The following CUX2 variants were observed in gnomAD, a reference collection of about 807,000 sequenced individuals.
CUX2 encodes the protein cut like homeobox 2, also known as homeobox protein cut-like 2.
Under a neutral mutation model 144.8 loss-of-function variants are expected in CUX2, and 40 were observed. The observed-to-expected ratio is 0.28, with a 90% CI of 0.21 to 0.36. The LOEUF (loss-of-function observed/expected upper bound fraction) is 0.36. Ranked by LOEUF, CUX2 falls within the 10% of genes least tolerant of loss-of-function variation. The pLI is 1.00. For synonymous variants in CUX2, 827 were observed against 875.6 expected (o/e 0.94, Z 0.98); for missense variants, 1,615 against 1,994.0 (o/e 0.81, Z 3.62).
intron 1 of CUX2, among the ~76,000 whole-genome samples, chr12:111,087,629 A>C (rs1043883976): frequency 6.6e-6 from 1 of 152,144 alleles, no homozygotes; most frequent in Non-Finnish European, 1.5e-5. Context: ...ACTTAGCCAT[A>C]AGTTGTTTGT....
rs1325759051 is a variant in CUX2, at chr12:111,034,885, G to A, written c.63+645G>A. 6.7e-6 allele frequency among the ~76,000 whole-genome samples: 1 copy of A among 150,138 alleles called. No individual in the cohort carries two copies. Among genetic ancestry groups the A allele is most frequent in the Non-Finnish European group, 1.5e-5 (1 of 67,404 alleles). On this transcript the variant is annotated intron_variant, in intron 1 of 21. Transcript: ENST00000261726. This position sits in a 1 kb window ranked among gnomAD's most constrained non-coding sequence, Gnocchi z 4.2. ...GGCCGCCGCCGCCGCCGCCAGAGCC[G>A]CCGCCGCCGGACTGGCCGCAAGCGC...
chr12:111,341,654 A>G (rs1888582449), intron 20 of CUX2, 126 bp from the exon 21 acceptor site: 1 of 1,151,862 alleles, frequency 8.7e-7, no homozygotes, highest in African/African-American at 1.5e-5. Flanking sequence ...GCGGGCCTCT[A>G]AGCTTAGGGC....
At chr12:111,176,888 G>A (rs915096521) in intron 1 of CUX2, among the ~76,000 whole-genome samples, 2 of 152,146 alleles carry the variant, frequency 1.3e-5, no homozygotes, top group South Asian at 2.1e-4. Context: ...TCTCAACCTC[G>A]CACATGAAGG....
chr12:111,130,343 G>C (rs1875389130), intron 1 of CUX2, among the ~76,000 whole-genome samples: 2 of 152,164 alleles, frequency 1.3e-5, no homozygotes, highest in African/African-American at 4.8e-5. Context: ...GAATTTAGTA[G>C]GTTTCCTCTC....
chr12:111,099,946 G>A (rs528576164), intron 1 of CUX2: 1 of 457,380 alleles, frequency 2.2e-6, no homozygotes, highest in African/African-American at 2.0e-5. Context: ...ACCTGCGTCA[G>A]CTCAGAGTCC....
At chr12:111,064,623 C>A (rs866299521) in intron 1 of CUX2, among the ~76,000 whole-genome samples, 2 of 152,154 alleles carry the variant, frequency 1.3e-5, no homozygotes, top group South Asian at 2.1e-4. Context: ...AAGATTCCCC[C>A]AAATCTAGCC....
intron 1 of CUX2, among the ~76,000 whole-genome samples, chr12:111,187,303 C>T (rs1185954160): frequency 6.6e-6 from 1 of 152,178 alleles, no homozygotes; most frequent in African/African-American, 2.4e-5. Flanking sequence ...AGCATTGGGG[C>T]CTTTGCACCT....
Position 111,160,869 on chromosome 12 carries a change from G to A in CUX2, c.64-53331G>A, listed in dbSNP as rs1429331377. Among the ~76,000 whole-genome samples, 4 of 152,188 alleles carry A rather than the reference G, an allele frequency of 2.6e-5. No individual in the cohort carries two copies. Among genetic ancestry groups the A allele is most frequent in the African/African-American group, 4.8e-5 (2 of 41,438 alleles). On this transcript the variant is annotated intron_variant, in intron 1 of 21. Coordinates refer to ENST00000261726, the MANE Select transcript of CUX2 (RefSeq NM_015267.4). This position sits in a 1 kb window ranked among gnomAD's most constrained non-coding sequence, Gnocchi z 4.1. ...TCCCGGGCTCCTGGCCTGAACAGCT[G>A]GGTGGACTCCGTGCCGCTTCCTGCC...
At chr12:111,147,159 A>AATGC (rs1421916734) in intron 1 of CUX2, among the ~76,000 whole-genome samples, 1 of 152,228 alleles carries the variant, frequency 6.6e-6, no homozygotes, top group Non-Finnish European at 1.5e-5. Context: ...TGAGTGAATG[A>AATGC]ATGCATGCAT....
intron 4 of CUX2, among the ~76,000 whole-genome samples, chr12:111,283,862 G>C (rs1040149633): frequency 1.7e-4 from 26 of 152,230 alleles, no homozygotes; most frequent in Middle Eastern, 3.4e-3. Flanking sequence ...GAGCCATGGT[G>C]CCCAGCCTGT....
chr12:111,248,193 G>A (rs1042254496), intron 3 of CUX2, among the ~76,000 whole-genome samples: 8 of 152,174 alleles, frequency 5.3e-5, no homozygotes, highest in East Asian at 1.9e-4. Flanking sequence ...GAGCCACTGC[G>A]TCTGGCCCAA....
intron 4 of CUX2, among the ~76,000 whole-genome samples, chr12:111,284,453 G>C (rs566889948): frequency 6.6e-6 from 1 of 152,178 alleles, no homozygotes; most frequent in Non-Finnish European, 1.5e-5. Context: ...GCTTGGACAC[G>C]AGCATTGGTC....
At chr12:111,330,736 T>TACATATAC (rs1888084085) in intron 18 of CUX2, among the ~76,000 whole-genome samples, 1 of 57,996 alleles carries the variant, frequency 1.7e-5, no homozygotes, top group African/African-American at 7.0e-5. Flanking sequence ...TATATATATA[T>TACATATAC]ATATATATAT....
intron 16 of CUX2, among the ~76,000 whole-genome samples, chr12:111,319,010 A>G (rs972624384): frequency 3.3e-5 from 5 of 152,070 alleles, no homozygotes; most frequent in Admixed American, 6.5e-5. Context: ...ATTTGGATTC[A>G]TTGCTATTAG....
rs774017212 is a variant in CUX2 at position 111,330,364 on chromosome 12, G to T, written c.2927-4077G>T. 2.0e-5 allele frequency among the ~76,000 whole-genome samples: 3 copies of T among 152,078 alleles called. 1 individual carries two copies. In the South Asian group the frequency reaches 6.2e-4, roughly 32 times the overall value. ...CTTGCCTTCAAGGGGCTCACAGTTG[G>T]TAGATGAGAGGACAGTGTTGGGCAT... On this transcript the variant is annotated intron_variant, in intron 18 of 21. Coordinates refer to ENST00000261726, the MANE Select transcript of CUX2 (RefSeq NM_015267.4).
At chr12:111,089,601 G>A (rs905556105) in intron 1 of CUX2, among the ~76,000 whole-genome samples, 67 of 152,170 alleles carry the variant, frequency 4.4e-4, no homozygotes, top group African/African-American at 1.2e-3. Context: ...TTGCAACAGC[G>A]GCCATCCAGA....
intron 1 of CUX2, among the ~76,000 whole-genome samples, chr12:111,126,979 C>G (rs913195488): frequency 1.3e-5 from 2 of 152,176 alleles, no homozygotes; most frequent in Non-Finnish European, 2.9e-5. Flanking sequence ...TTCCTTGATA[C>G]CCTACAGCTT....
chr12:111,266,345 C>A (rs1884384982), intron 4 of CUX2, among the ~76,000 whole-genome samples: 1 of 151,992 alleles, frequency 6.6e-6, no homozygotes, highest in Admixed American at 6.6e-5. Context: ...GGTGTGGTAG[C>A]CTGTATTCCC....
chr12:111,175,063 A>G (rs1878765986), intron 1 of CUX2, among the ~76,000 whole-genome samples: 1 of 152,220 alleles, frequency 6.6e-6, no homozygotes, highest in Non-Finnish European at 1.5e-5. Context: ...GGGATGCAGC[A>G]TCTTAGAATC....
Sources: allele counts gnomAD v4.1 joint callset (sites outside exome capture counted in the v4.1 genomes callset), GRCh38; gene constraint gnomAD v4.1.1; non-coding constraint Gnocchi (gnomAD v3.1); transcripts MANE v1.5; gene names NCBI Gene and HGNC (gene_info 2026-07-23, HGNC 2026-07-21).